Variants in AKAP6 observed in about 807,000 individuals in gnomAD.
The protein encoded by AKAP6 is A-kinase anchor protein 6.
Under a neutral mutation model 188.5 loss-of-function variants are expected in AKAP6, and 58 were observed. The ratio of observed to expected loss-of-function variants is 0.31; its 90% confidence interval spans 0.25 to 0.38. The LOEUF (loss-of-function observed/expected upper bound fraction) is 0.38. Among genes scored for constraint, AKAP6 ranks in the 10% least tolerant of loss-of-function variants. The pLI is 1.00. For missense variants in AKAP6, 2,710 were observed against 2,740.0 expected (o/e 0.99, Z 0.24); for synonymous variants, 989 against 998.6 (o/e 0.99, Z 0.18).
chr14:32,812,943 G>C (rs141639872), intron 12 of AKAP6, among the ~76,000 whole-genome samples: 3 of 152,258 alleles, frequency 2.0e-5, no homozygotes, highest in East Asian at 1.9e-4. Flanking sequence ...CCAAGCTACT[G>C]TCTGCTCTCT....
intron 2 of AKAP6, among the ~76,000 whole-genome samples, chr14:32,434,316 G>A (rs1300396955): frequency 6.6e-6 from 1 of 152,080 alleles, no homozygotes; most frequent in Non-Finnish European, 1.5e-5. Context: ...GCTTCATGTA[G>A]AACAAAGGTG....
At chr14:32,450,034 G>C (rs149292752) in intron 2 of AKAP6, among the ~76,000 whole-genome samples, 1 of 152,160 alleles carries the variant, frequency 6.6e-6, no homozygotes, top group South Asian at 2.1e-4. Flanking sequence ...AGGCAGAGTG[G>C]AAAGCCCCCA....
chr14:32,563,380 T>G (rs945120905), intron 4 of AKAP6, among the ~76,000 whole-genome samples: 1 of 152,308 alleles, frequency 6.6e-6, no homozygotes, highest in African/African-American at 2.4e-5. Flanking sequence ...AGAGTCATGA[T>G]TAAATGTCTT....
At chr14:32,734,050 A>C (rs1192516014) in intron 10 of AKAP6, 1 of 152,154 alleles carries the variant, frequency 6.6e-6, no homozygotes, top group Admixed American at 6.6e-5. Flanking sequence ...ATATTTAGCT[A>C]TCCTTTATGA....
Position 32,792,105 on chromosome 14 carries a change from C to T in AKAP6, c.3588+18212C>T, listed in dbSNP as rs184140125. Among the ~76,000 whole-genome samples, 3 of 152,240 alleles carry T rather than the reference C, an allele frequency of 2.0e-5. No individual in the cohort carries two copies. In the East Asian group the frequency reaches 5.8e-4, roughly 29 times the overall value. ...CTTAGGATTGTCTGGACTCTGTGGG[C>T]TCTTTTTTGGTTCCATATGAAATTT... On this transcript the variant is annotated intron_variant, in intron 12 of 13. Transcript: ENST00000280979.
chr14:32,570,195 A>G (rs1884414376), intron 4 of AKAP6, among the ~76,000 whole-genome samples: 1 of 147,422 alleles, frequency 6.8e-6, no homozygotes, highest in Non-Finnish European at 1.5e-5. Context: ...CAGTGGAGCA[A>G]TCTCGGCTCA....
chr14:32,583,123 T>C (rs1885057495), intron 5 of AKAP6, among the ~76,000 whole-genome samples: 1 of 152,218 alleles, frequency 6.6e-6, no homozygotes, highest in African/African-American at 2.4e-5. Context: ...TGTGGTTTTA[T>C]CTACTTTTGG....
At chr14:32,713,047 A>G (rs1484595791) in intron 9 of AKAP6, among the ~76,000 whole-genome samples, 2 of 152,076 alleles carry the variant, frequency 1.3e-5, no homozygotes, top group African/African-American at 4.8e-5. Flanking sequence ...ACCTTGATCC[A>G]TGGGCCACAG....
Position 32,568,272 on chromosome 14 carries a change from A to G in AKAP6, c.2347-8848A>G, listed in dbSNP as rs1884294692. On this transcript the variant is annotated intron_variant, in intron 4 of 13. Coordinates refer to ENST00000280979, the MANE Select transcript of AKAP6 (RefSeq NM_004274.5). This position sits in a 1 kb window ranked among gnomAD's most constrained non-coding sequence, Gnocchi z 6.2. ...AATATAGCACAGTAGTCCAGAGCTT[A>G]GACCCTGGAACAAAACTATTTAATA... Among the ~76,000 whole-genome samples the G allele has an allele frequency of 6.6e-6, 1 of 152,188 alleles. No homozygotes were observed. The highest frequency in any genetic ancestry group is 1.5e-5 in the Non-Finnish European group (1 of 68,034).
chr14:32,617,979 T>A (rs1394334197), intron 7 of AKAP6, among the ~76,000 whole-genome samples: 1 of 152,074 alleles, frequency 6.6e-6, no homozygotes, highest in Admixed American at 6.6e-5. Context: ...TTTTTGTGAG[T>A]TGATTCATAC....
intron 2 of AKAP6, among the ~76,000 whole-genome samples, chr14:32,468,344 C>A (rs931389655): frequency 6.6e-6 from 1 of 152,152 alleles, no homozygotes; most frequent in African/African-American, 2.4e-5. Context: ...TAGTTTTCAT[C>A]CCTGGATGAC....
intron 1 of AKAP6, among the ~76,000 whole-genome samples, chr14:32,389,527 G>A (rs377538827): frequency 1.3e-5 from 2 of 152,052 alleles, no homozygotes; most frequent in Non-Finnish European, 2.9e-5. Flanking sequence ...GGCAGTTCTT[G>A]TAGTGGTGGT....
chr14:32,540,137 T>C (rs1380617056), intron 3 of AKAP6, among the ~76,000 whole-genome samples: 4 of 79,038 alleles, frequency 5.1e-5, no homozygotes, highest in African/African-American at 2.9e-4. Context: ...GTGCGCTCTC[T>C]CTCTCTCTCT....
chr14:32,413,421 G>C (rs962288953), intron 1 of AKAP6, among the ~76,000 whole-genome samples: 2 of 151,996 alleles, frequency 1.3e-5, no homozygotes, highest in Non-Finnish European at 2.9e-5. Flanking sequence ...GGGCTCAAGT[G>C]ATCTCCTGCC....
chr14:32,762,125 C>G (rs960832216), intron 11 of AKAP6, among the ~76,000 whole-genome samples: 1 of 152,004 alleles, frequency 6.6e-6, no homozygotes, highest in Non-Finnish European at 1.5e-5. Flanking sequence ...TATCCAGCAC[C>G]TTTTTCCCCC....
chr14:32,544,395 A>G (rs1883094365), intron 3 of AKAP6, among the ~76,000 whole-genome samples: 2 of 152,168 alleles, frequency 1.3e-5, no homozygotes, highest in Non-Finnish European at 2.9e-5. Context: ...TAATGGGACA[A>G]AAGCCTTAAT....
chr14:32,578,741 A>G (rs1159237263), intron 5 of AKAP6, among the ~76,000 whole-genome samples: 1 of 151,564 alleles, frequency 6.6e-6, no homozygotes, highest in Non-Finnish European at 1.5e-5. Flanking sequence ...GAGGTCCCAG[A>G]GGGCACAAGG....
At chr14:32,398,849 T>G (rs1888974940) in intron 1 of AKAP6, among the ~76,000 whole-genome samples, 1 of 108,054 alleles carries the variant, frequency 9.3e-6, no homozygotes, top group Admixed American at 1.0e-4. Context: ...TTCCTGTTTT[T>G]TTTTTTTTTT....
At chr14:32,410,601 T>C (rs1166558755) in intron 1 of AKAP6, among the ~76,000 whole-genome samples, 1 of 152,148 alleles carries the variant, frequency 6.6e-6, no homozygotes, top group African/African-American at 2.4e-5. Flanking sequence ...CTTCAAATAT[T>C]TTATAGAGTT....
Sources: gnomAD v4.1 joint callset for allele counts (sites outside exome capture counted in the v4.1 genomes callset) on GRCh38, gnomAD v4.1.1 for gene constraint, Gnocchi (gnomAD v3.1) non-coding constraint, MANE v1.5 for transcripts, NCBI Gene and HGNC (gene_info 2026-07-23, HGNC 2026-07-21) for gene names.